The following EXOC4 variants were observed in gnomAD, a reference collection of about 807,000 sequenced individuals.
EXOC4 encodes SEC8-like 1.
A neutral mutation model predicts 107.2 loss-of-function variants in EXOC4; 71 were observed. The ratio of observed to expected loss-of-function variants is 0.66; its 90% CI spans 0.55 to 0.81. EXOC4 has a LOEUF of 0.81. EXOC4 is among the 30% of genes least tolerant of loss of function. The pLI, the probability that EXOC4 is intolerant of heterozygous loss-of-function variation, is 0.00. For synonymous variants in EXOC4, 456 were observed against 441.2 expected (o/e 1.03, Z -0.42); for missense variants, 1,108 against 1,189.6 (o/e 0.93, Z 1.01).
intron 17 of EXOC4, 67 bp from the exon 18 acceptor site, chr7:134,064,224 A>G (rs1368655453): frequency 8.3e-6 from 9 of 1,083,134 alleles, no homozygotes; most frequent in South Asian, 2.1e-5. Context: ...TAGACAGCGT[A>G]TTTGTCCCCT....
rs148329218 is a variant in EXOC4, at chr7:133,990,782, A to G, written c.2207-6710A>G. On this transcript the variant is annotated intron_variant, in intron 14 of 17. Transcript: ENST00000253861. ...ATTTTATTCTTTTTATGGGTGAATA[A>G]TATTCCATTGTGTATATCTACCACA... 4.6e-5 allele frequency among the ~76,000 whole-genome samples: 7 copies of G among 152,204 alleles called. No homozygotes were observed. The South Asian group carries it at 1.2e-3, about 27-fold the overall frequency.
chr7:133,315,957 AG>A (rs1449585002), intron 4 of EXOC4, among the ~76,000 whole-genome samples: 1 of 152,176 alleles, frequency 6.6e-6, no homozygotes, highest in African/African-American at 2.4e-5. Flanking sequence ...ACAAGTCAAA[AG>A]GGAGACGTTA....
chr7:133,778,221 G>C (rs1272241499), intron 10 of EXOC4, among the ~76,000 whole-genome samples: 1 of 152,072 alleles, frequency 6.6e-6, no homozygotes, highest in African/African-American at 2.4e-5. Flanking sequence ...TAATTAGTGA[G>C]AAAAGAAAAA....
At chr7:133,933,905 A>G (rs1326429137) in intron 13 of EXOC4, among the ~76,000 whole-genome samples, 1 of 152,246 alleles carries the variant, frequency 6.6e-6, no homozygotes, top group Admixed American at 6.5e-5. Flanking sequence ...TTTTTGGAGA[A>G]CATATGGACA....
At chr7:133,508,096 A>G (rs1360680873) in intron 9 of EXOC4, among the ~76,000 whole-genome samples, 1 of 152,132 alleles carries the variant, frequency 6.6e-6, no homozygotes, top group Admixed American at 6.5e-5. Flanking sequence ...AAAAATCAGT[A>G]ACAAATACAC....
rs543624675 is a variant in EXOC4 at position 134,031,854 on chromosome 7, TTTG to T, written c.2687+24023_2687+24025del. The stretch of plus-strand genomic sequence containing the variant: ...ACAAAGTTTTTTTTGTAAGTTTTCA[TTTG>T]TTGCTGAATCTCTCTCAGTTGTGGT... On this transcript the variant is annotated intron_variant, in intron 17 of 17. Transcript: ENST00000253861. 9.8e-4 allele frequency among the ~76,000 whole-genome samples: 150 copies of T among 152,316 alleles called. 1 individual carries two copies. The highest frequency in any genetic ancestry group is 1.4e-3 in the Non-Finnish European group (97 of 68,024).
chr7:133,942,481 T>C (rs1453186812), intron 14 of EXOC4, among the ~76,000 whole-genome samples: 2 of 152,204 alleles, frequency 1.3e-5, no homozygotes, highest in Non-Finnish European at 2.9e-5. Flanking sequence ...ATTGCAGTAT[T>C]AGTTATACAA....
intron 7 of EXOC4, among the ~76,000 whole-genome samples, chr7:133,400,398 C>T (rs888871507): frequency 1.3e-5 from 2 of 152,142 alleles, no homozygotes; most frequent in African/African-American, 4.8e-5. Context: ...GTCCCTCTGC[C>T]CACCTGATGT....
At chr7:133,599,425 T>G (rs549181424) in intron 9 of EXOC4, among the ~76,000 whole-genome samples, 3 of 152,232 alleles carry the variant, frequency 2.0e-5, no homozygotes, top group Non-Finnish European at 4.4e-5. Context: ...TTTCTCTACT[T>G]CTTTCACTTT....
intron 11 of EXOC4, among the ~76,000 whole-genome samples, chr7:133,894,043 C>G (rs1799246582): frequency 1.0e-5 from 1 of 95,918 alleles, no homozygotes; most frequent in Non-Finnish European, 1.9e-5. Context: ...TGGTTCCATT[C>G]TCCGCATCAC....
chr7:133,957,700 C>T (rs888122633), intron 14 of EXOC4, among the ~76,000 whole-genome samples: 1 of 152,186 alleles, frequency 6.6e-6, no homozygotes, highest in Non-Finnish European at 1.5e-5. Flanking sequence ...TCAGGAGCTT[C>T]TATTCGCTTC....
intron 9 of EXOC4, among the ~76,000 whole-genome samples, chr7:133,532,571 G>A (rs961390110): frequency 2.0e-5 from 3 of 152,090 alleles, no homozygotes; most frequent in Non-Finnish European, 4.4e-5. Flanking sequence ...CATAGTTCTA[G>A]GAGAAAGCTT....
intron 3 of EXOC4, among the ~76,000 whole-genome samples, chr7:133,289,834 C>T (rs1300238335): frequency 1.3e-5 from 2 of 152,208 alleles, no homozygotes; most frequent in Non-Finnish European, 2.9e-5. Context: ...CCACTTCCAT[C>T]TCATTCAGAG....
At chr7:133,500,951 A>AT (rs1156440361) in intron 9 of EXOC4, among the ~76,000 whole-genome samples, 2 of 152,254 alleles carry the variant, frequency 1.3e-5, no homozygotes, top group Non-Finnish European at 2.9e-5. Flanking sequence ...ACCTCTTATT[A>AT]TATGTCATGT....
intron 10 of EXOC4, among the ~76,000 whole-genome samples, chr7:133,811,193 T>C (rs2151207366): frequency 6.6e-6 from 1 of 152,302 alleles, no homozygotes; most frequent in South Asian, 2.1e-4. Flanking sequence ...AGGAAACCCC[T>C]GGTATAAAAG....
chr7:133,596,555 T>TC (rs1011862697), intron 9 of EXOC4, among the ~76,000 whole-genome samples: 2 of 152,130 alleles, frequency 1.3e-5, no homozygotes, highest in Non-Finnish European at 2.9e-5. Flanking sequence ...AATTCACTCT[T>TC]CCCCCCAATA....
At chr7:133,525,486 G>T (rs954808617) in intron 9 of EXOC4, among the ~76,000 whole-genome samples, 2 of 152,172 alleles carry the variant, frequency 1.3e-5, no homozygotes, top group Admixed American at 1.3e-4. Flanking sequence ...TGGTGAGACT[G>T]CTTCAGAGCA....
At chr7:133,501,557 A>T (rs1472756286) in intron 9 of EXOC4, among the ~76,000 whole-genome samples, 1 of 152,172 alleles carries the variant, frequency 6.6e-6, no homozygotes, top group African/African-American at 2.4e-5. Flanking sequence ...AGAAGGGGAG[A>T]AGCTCAAACC....
At chr7:133,550,197 A>T (rs1004356137) in intron 9 of EXOC4, among the ~76,000 whole-genome samples, 1 of 152,188 alleles carries the variant, frequency 6.6e-6, no homozygotes, top group African/African-American at 2.4e-5. Context: ...TATTTACTAA[A>T]TGAGCCCTCT....
Sources: gnomAD v4.1 joint callset for allele counts (sites outside exome capture counted in the v4.1 genomes callset) on GRCh38, gnomAD v4.1.1 for gene constraint, MANE v1.5 for transcripts, NCBI Gene and HGNC (gene_info 2026-07-23, HGNC 2026-07-21) for gene names.